PLCG2: variants seen among roughly 807,000 people sequenced by gnomAD.
PLCG2 encodes the protein phospholipase C gamma 2.
PLCG2 carries 69 observed loss-of-function variants against 175.6 expected under a neutral mutation model. The ratio of observed to expected loss-of-function variants is 0.39; its 90% CI spans 0.32 to 0.48. The LOEUF (loss-of-function observed/expected upper bound fraction) is 0.48. Among genes scored for constraint, PLCG2 ranks in the 20% least tolerant of loss-of-function variants. The pLI is 0.91. For synonymous variants in PLCG2, 827 were observed against 624.0 expected (o/e 1.33, Z -4.85); for missense variants, 1,798 against 1,650.9 (o/e 1.09, Z -1.54).
At chr16:81,897,134 C>T (rs1212207506) in intron 13 of PLCG2, among the ~76,000 whole-genome samples, 1 of 152,196 alleles carries the variant, frequency 6.6e-6, no homozygotes, top group Non-Finnish European at 1.5e-5. Context: ...TTACACATTA[C>T]AAAAATAGAT....
chr16:81,773,979 C>G (rs1179896078), intron 2 of PLCG2, among the ~76,000 whole-genome samples: 1 of 151,732 alleles, frequency 6.6e-6, no homozygotes, highest in Non-Finnish European at 1.5e-5. Context: ...AGGCACTCCG[C>G]AAATGTTTGT....
At chr16:81,816,062 T>TAA (rs57508298) in intron 2 of PLCG2, among the ~76,000 whole-genome samples, 384 of 139,980 alleles carry the variant, frequency 2.7e-3, no homozygotes, top group Middle Eastern at 0.025. Context: ...ACTTCATCTT[T>TAA]AAAAAAAAAA....
chr16:81,845,611 G>A (rs934383436), intron 2 of PLCG2, among the ~76,000 whole-genome samples: 1 of 152,246 alleles, frequency 6.6e-6, no homozygotes, highest in South Asian at 2.1e-4. Context: ...TGCAGCCCCT[G>A]CACTAGAATC....
At chr16:81,803,649 C>G (rs1028259190) in intron 2 of PLCG2, among the ~76,000 whole-genome samples, 5 of 36,454 alleles carry the variant, frequency 1.4e-4, no homozygotes, top group African/African-American at 1.6e-4. Flanking sequence ...CCCTCCCTCC[C>G]TCCCTCCCTC....
At chr16:81,885,943 G>T (rs183403696) in intron 9 of PLCG2, among the ~76,000 whole-genome samples, 8 of 152,214 alleles carry the variant, frequency 5.3e-5, no homozygotes, top group Admixed American at 5.2e-4. Flanking sequence ...GTTTGAGGGA[G>T]GAAGTAAAAT....
At chr16:81,754,903 G>A (rs1909890328) in intron 1 of PLCG2, among the ~76,000 whole-genome samples, 1 of 152,212 alleles carries the variant, frequency 6.6e-6, no homozygotes, top group South Asian at 2.1e-4. Context: ...TGGATCAGAA[G>A]CAGTGACTCC....
In PLCG2 at chr16:81,767,179, C is replaced by G. The variant is rs547689805; in HGVS notation, c.-48+11213C>G. ...TTTTTTTTTGAGACTGAGTCTCGAT[C>G]TATCACCCACGCTGGAGTGCAGTGG... On this transcript the variant is annotated intron_variant, in intron 2 of 5. Coordinates refer to the PLCG2 transcript ENST00000565054. Among the ~76,000 whole-genome samples the G allele has an allele frequency of 5.3e-5, 6 of 112,366 alleles. No individual in the cohort carries two copies. In the South Asian group the frequency reaches 9.4e-4, roughly 18 times the overall value. 73.7% of individuals were successfully genotyped at this position (112,366 alleles called of 152,430 possible). A position where few individuals can be genotyped will look rare whatever the true frequency, so the allele number is the denominator to read the frequency against.
intron 5 of PLCG2, among the ~76,000 whole-genome samples, chr16:81,865,118 T>C (rs1907165445): frequency 6.6e-6 from 1 of 152,032 alleles, no homozygotes; most frequent in East Asian, 1.9e-4. Flanking sequence ...GATGGGGAGC[T>C]CTGAGCATGG....
chr16:81,903,746 C>T (rs192639199), intron 14 of PLCG2, among the ~76,000 whole-genome samples: 20 of 152,290 alleles, frequency 1.3e-4, no homozygotes, highest in African/African-American at 4.1e-4. Flanking sequence ...TTCCCTGTTC[C>T]CAGCTCATTC....
chr16:81,946,266 G>A lies in PLCG2; in HGVS notation c.3570+3G>A, dbSNP rs1402407642. The A allele has an allele frequency of 1.9e-6, 3 of 1,610,698 alleles. No individual in the cohort carries two copies. Among genetic ancestry groups the A allele is most frequent in the South Asian group, 1.1e-5 (1 of 91,004 alleles). Reference sequence around the variant, plus strand: ...TCTGTGAGATGCGGCCAGTCCTGGTGAGTGGAGAAACACCAGTTAAGGGTT... The same window carrying A: ...TCTGTGAGATGCGGCCAGTCCTGGTAAGTGGAGAAACACCAGTTAAGGGTT... On this transcript the variant is annotated splice_donor_region_variant and intron_variant, in intron 31 of 32. Coordinates refer to ENST00000564138, the MANE Select transcript of PLCG2 (RefSeq NM_002661.5).
chr16:81,899,609 C>T (rs9940401), intron 13 of PLCG2, among the ~76,000 whole-genome samples: 1 of 152,120 alleles, frequency 6.6e-6, no homozygotes, highest in African/African-American at 2.4e-5. Context: ...TCCTCACCAT[C>T]TGTTGACTGC....
chr16:81,858,725 C>G (rs574979398), intron 4 of PLCG2, among the ~76,000 whole-genome samples: 28 of 152,308 alleles, frequency 1.8e-4, no homozygotes, highest in African/African-American at 6.7e-4. Context: ...ACCTATCACT[C>G]CCTCCTGGGT....
upstream of PLCG2, among the ~76,000 whole-genome samples, chr16:81,774,892 C>G (rs1439462147): frequency 6.6e-6 from 1 of 151,990 alleles, no homozygotes; most frequent in Non-Finnish European, 1.5e-5. Context: ...CTCAGGCTCA[C>G]TCCACCAGGC....
At chr16:81,934,890 C>T (rs765557719) in intron 26 of PLCG2, among the ~76,000 whole-genome samples, 12 of 152,058 alleles carry the variant, frequency 7.9e-5, no homozygotes, top group African/African-American at 2.2e-4. Context: ...TCAGATCTCG[C>T]GAGACTTATT....
chr16:81,740,757 A>AC (rs1225673551), intron 1 of PLCG2, among the ~76,000 whole-genome samples: 12 of 147,344 alleles, frequency 8.1e-5, no homozygotes, highest in Non-Finnish European at 1.8e-4. Context: ...AAAAAAAAAA[A>AC]AAACCGAAAC....
intron 1 of PLCG2, among the ~76,000 whole-genome samples, chr16:81,749,080 A>T (rs1457818481): frequency 6.6e-6 from 1 of 151,994 alleles, no homozygotes; most frequent in Non-Finnish European, 1.5e-5. Flanking sequence ...GACTTTCACA[A>T]GGGGGCCCCT....
chr16:81,917,334 A>G (rs949076268), intron 19 of PLCG2, among the ~76,000 whole-genome samples: 4 of 150,936 alleles, frequency 2.7e-5, no homozygotes, highest in Non-Finnish European at 4.4e-5. Flanking sequence ...CACCTTGGCT[A>G]TGGTGAATGG....
intron 30 of PLCG2, among the ~76,000 whole-genome samples, chr16:81,941,383 G>C (rs1312584929): frequency 6.6e-6 from 1 of 152,208 alleles, no homozygotes; most frequent in African/African-American, 2.4e-5. Flanking sequence ...ACAGGGTGAT[G>C]AGTCAGCCCA....
At chr16:81,835,481 A>G (rs1259378586) in intron 2 of PLCG2, among the ~76,000 whole-genome samples, 1 of 152,008 alleles carries the variant, frequency 6.6e-6, no homozygotes, top group Non-Finnish European at 1.5e-5. Flanking sequence ...TGGGAGGCTG[A>G]GGTATGAGAA....
Sources: allele counts gnomAD v4.1 joint callset (sites outside exome capture counted in the v4.1 genomes callset), GRCh38; gene constraint gnomAD v4.1.1; transcripts MANE v1.5; gene names NCBI Gene and HGNC (gene_info 2026-07-23, HGNC 2026-07-21).